Variants in CHST15 observed in about 807,000 individuals in gnomAD.
CHST15 encodes the protein B cell RAG associated protein (GALNAC4S-6ST).
Under a neutral mutation model 53.6 loss-of-function variants are expected in CHST15, and 30 were observed. That is an observed-to-expected ratio of 0.56 (90% CI 0.42 to 0.76). The LOEUF is 0.76. Among genes scored for constraint, CHST15 ranks in the 30% least tolerant of loss-of-function variants. The probability of loss-of-function intolerance (pLI) is 0.00; values close to 1 mark genes in which losing one functional copy is unlikely to be tolerated. For missense variants in CHST15, 627 were observed against 740.5 expected (o/e 0.85, Z 1.78); for synonymous variants, 296 against 289.8 (o/e 1.02, Z -0.22).
chr10:124,067,026 T>C (rs1435927882), intron 1 of CHST15, among the ~76,000 whole-genome samples: 1 of 152,246 alleles, frequency 6.6e-6, no homozygotes, highest in Admixed American at 6.5e-5. Context: ...AGTAACTGGC[T>C]GCACTTAGCA....
rs998763083 is a variant in CHST15 at position 124,010,140 on chromosome 10, A to G, written c.*9T>C. ...GGCGGGCCCAGCACGTGCAGCAACA[A>G]TTCAGCTCTCACGTCGTCTTCCACG... On this transcript the variant is annotated 3_prime_UTR_variant, in exon 8 of 8. Coordinates refer to ENST00000435907, the MANE Select transcript of CHST15 (RefSeq NM_001270764.2). The G allele has an allele frequency of 1.2e-6, 2 of 1,612,292 alleles. No individual in the cohort carries two copies. Among genetic ancestry groups the G allele is most frequent in the Non-Finnish European group, 1.7e-6 (2 of 1,180,038 alleles).
In CHST15 at chr10:124,046,482, A is replaced by G; in HGVS notation, c.-270T>C. ...CCGCTGCAACCTCAGAGAAGGTCACAAGTTCGGGAGCAGCTCTGCCTGCCC... is the reference window on the plus strand; with the variant it reads ...CCGCTGCAACCTCAGAGAAGGTCACGAGTTCGGGAGCAGCTCTGCCTGCCC... On this transcript the variant is annotated 5_prime_UTR_variant, in exon 2 of 8. Coordinates refer to ENST00000435907, the MANE Select transcript of CHST15 (RefSeq NM_001270764.2). The G allele has an allele frequency of 2.8e-6, 1 of 355,864 alleles. No individual in the cohort carries two copies. The highest frequency in any genetic ancestry group is 8.8e-5 in the South Asian group (1 of 11,326). 22.0% of individuals were successfully genotyped at this position (355,864 alleles called of 1,614,324 possible).
At chr10:124,037,930 C>T (rs542102622) in intron 5 of CHST15, among the ~76,000 whole-genome samples, 24 of 152,226 alleles carry the variant, frequency 1.6e-4, no homozygotes, top group Non-Finnish European at 2.6e-4. Flanking sequence ...ACCAAGGAAC[C>T]GTCCTGTGCC....
At chr10:124,072,452 G>C (rs1051076318) in intron 1 of CHST15, among the ~76,000 whole-genome samples, 19 of 152,168 alleles carry the variant, frequency 1.2e-4, no homozygotes, top group African/African-American at 4.6e-4. Flanking sequence ...TTGGCACAGG[G>C]AAAGCTCTTT....
intron 1 of CHST15, among the ~76,000 whole-genome samples, chr10:124,069,492 T>C (rs1002643401): frequency 2.0e-4 from 30 of 152,232 alleles, no homozygotes; most frequent in African/African-American, 6.0e-4. Flanking sequence ...GTCCAGGGTC[T>C]CTGGCAAGTC....
At chr10:124,077,328 T>C (rs956392156) in intron 1 of CHST15, among the ~76,000 whole-genome samples, 4 of 152,182 alleles carry the variant, frequency 2.6e-5, no homozygotes, top group Admixed American at 2.6e-4. Flanking sequence ...CTGTTTATCA[T>C]AAGTCTGATC....
In CHST15 at chr10:124,037,753, A is replaced by ATT; in HGVS notation, c.1190+761_1190+762insAA. Among the ~76,000 whole-genome samples, 2 of 152,228 alleles carry ATT rather than the reference A, an allele frequency of 1.3e-5. 1 individual carries two copies. The highest frequency in any genetic ancestry group is 4.1e-4 in the South Asian group (2 of 4,832). ...ATCTTAAAGCAAAGCTGCTCTGCTC[A>ATT]GCATTGTTCTTCCTTTTGGTCTCTC... On this transcript the variant is annotated intron_variant, in intron 5 of 7. Coordinates refer to ENST00000435907, the MANE Select transcript of CHST15 (RefSeq NM_001270764.2).
At chr10:124,072,888 C>A (rs369928968) in intron 1 of CHST15, among the ~76,000 whole-genome samples, 34 of 152,148 alleles carry the variant, frequency 2.2e-4, no homozygotes, top group African/African-American at 8.0e-4. Flanking sequence ...GCAAAAAGGG[C>A]CAGCTGTTAT....
chr10:124,015,675 G>A (rs1034743544), intron 6 of CHST15, among the ~76,000 whole-genome samples: 6 of 152,230 alleles, frequency 3.9e-5, no homozygotes, highest in African/African-American at 7.2e-5. Flanking sequence ...AGCTGAGCTC[G>A]TGCCACCATG....
intron 4 of CHST15, among the ~76,000 whole-genome samples, chr10:124,042,069 G>A (rs1409870334): frequency 6.6e-6 from 1 of 152,216 alleles, no homozygotes; most frequent in East Asian, 1.9e-4. Flanking sequence ...CTGTCCTTAA[G>A]TCTCCAAAGA....
intron 5 of CHST15, among the ~76,000 whole-genome samples, chr10:124,038,249 G>A (rs539802366): frequency 1.3e-5 from 2 of 152,100 alleles, no homozygotes; most frequent in East Asian, 3.9e-4. Context: ...TGGGACTATA[G>A]GAGTGTGCCA....
intron 5 of CHST15, among the ~76,000 whole-genome samples, chr10:124,022,127 T>G (rs867365296): frequency 8.5e-5 from 13 of 152,210 alleles, no homozygotes; most frequent in African/African-American, 3.1e-4. Context: ...TCCTCCCAAC[T>G]AGACCTTAAC....
chr10:124,058,575 G>T (rs953999051), intron 1 of CHST15, among the ~76,000 whole-genome samples: 2 of 152,222 alleles, frequency 1.3e-5, no homozygotes, highest in Non-Finnish European at 2.9e-5. Context: ...AGCTGTAGGG[G>T]AACCTGCTCA....
At chr10:124,040,695 G>T (rs777682997) in intron 4 of CHST15, among the ~76,000 whole-genome samples, 1 of 152,248 alleles carries the variant, frequency 6.6e-6, no homozygotes, top group Non-Finnish European at 1.5e-5. Context: ...CAGAGGTGCA[G>T]ACAGAGTCCA....
At chr10:124,033,417 G>A (rs1328834709) in intron 5 of CHST15, among the ~76,000 whole-genome samples, 1 of 152,236 alleles carries the variant, frequency 6.6e-6, no homozygotes, top group African/African-American at 2.4e-5. Flanking sequence ...TGAGGATCAG[G>A]TGCAGAACGG....
chr10:124,037,129 A>G (rs952070309), intron 5 of CHST15, among the ~76,000 whole-genome samples: 2 of 152,164 alleles, frequency 1.3e-5, no homozygotes, highest in Non-Finnish European at 2.9e-5. Context: ...CCTGTGTCTT[A>G]GGGTGGGTGA....
At position 124,033,376 on chromosome 10, in the gene CHST15, TCCCGGCTGCAAAGC is replaced by T. The variant is rs537414218; in HGVS notation, c.1190+5125_1190+5138del. On this transcript the variant is annotated intron_variant, in intron 5 of 7. Coordinates refer to ENST00000435907, the MANE Select transcript of CHST15 (RefSeq NM_001270764.2). ...GCTGGGATCAAGCTGGAAGCTACTC[TCCCGGCTGCAAAGC>T]CCAGGCCCCAGTTTCCTGAGGATCA... 3.3e-5 allele frequency among the ~76,000 whole-genome samples: 5 copies of T among 152,332 alleles called. No individual in the cohort carries two copies. In the South Asian group the frequency reaches 1.0e-3, roughly 32 times the overall value.
At chr10:124,039,519 C>T (rs549331601) in intron 4 of CHST15, among the ~76,000 whole-genome samples, 2 of 152,396 alleles carry the variant, frequency 1.3e-5, no homozygotes, top group South Asian at 4.1e-4. Context: ...CTCACACGCC[C>T]TGTCTCCTGC....
intron 1 of CHST15, among the ~76,000 whole-genome samples, chr10:124,086,924 T>C (rs576590163): frequency 9.9e-5 from 15 of 152,248 alleles, no homozygotes; most frequent in African/African-American, 3.6e-4. Flanking sequence ...GATCCCAGGC[T>C]CAACCCACTA....
Sources: allele counts gnomAD v4.1 joint callset (sites outside exome capture counted in the v4.1 genomes callset), GRCh38; gene constraint gnomAD v4.1.1; transcripts MANE v1.5; gene names NCBI Gene and HGNC (gene_info 2026-07-23, HGNC 2026-07-21).